The following CAPN12 variants were observed in gnomAD, a reference collection of about 807,000 sequenced individuals.
CAPN12 encodes the protein calpain-12.
Under a neutral mutation model 95.0 loss-of-function variants are expected in CAPN12, and 107 were observed. The observed-to-expected ratio is 1.13, with a 90% CI of 0.96 to 1.32. CAPN12 has a LOEUF of 1.32. Among genes scored for constraint, CAPN12 ranks in the 40% most tolerant of loss-of-function variants. The pLI is 0.00. For synonymous variants in CAPN12, 505 were observed against 415.5 expected (o/e 1.22, Z -2.62); for missense variants, 1,136 against 997.8 (o/e 1.14, Z -1.87).
chr19:38,742,512 A>G lies in CAPN12; in HGVS notation c.324T>C (p.Leu108=). Residue 108 remains leucine, a synonymous_variant, in exon 3 of 21, where the codon CTT becomes CTC. Transcript: ENST00000328867. ...CQGSLGNCWF[L]AAAASLTLYP... is the part of the protein sequence containing the mutation. ...ACAGAGTAAGGGAGGCGGCAGCTGC[A>G]AGGAACCAGCAGTTACCTGGGAGGA... is the stretch of plus-strand genomic sequence containing the variant. 6.2e-7 allele frequency: 1 copy of G among 1,612,284 alleles called. No homozygotes were observed. The highest frequency in any genetic ancestry group is 8.5e-7 in the Non-Finnish European group (1 of 1,179,122).
At chr19:38,731,289 C>A (rs1969585807) in intron 18 of CAPN12, 66 bp from the exon 19 acceptor site, 1 of 1,236,170 alleles carries the variant, frequency 8.1e-7, no homozygotes, top group East Asian at 2.3e-5. Context: ...GCATCCCCAC[C>A]CCACCTCCTC....
chr19:38,735,224 C>T (rs927547851), intron 14 of CAPN12, 146 bp downstream of exon 14: 2 of 782,258 alleles, frequency 2.6e-6, no homozygotes, highest in Admixed American at 5.9e-5. Flanking sequence ...GAGCTGTGAG[C>T]ATTTCAAGAA....
At chr19:38,742,242 T>C (rs1447258365) in intron 3 of CAPN12, 168 bp downstream of exon 3, 4 of 649,172 alleles carry the variant, frequency 6.2e-6, no homozygotes, top group South Asian at 3.9e-5. Flanking sequence ...AGAGAATTGC[T>C]TGAACCTGGG....
At chr19:38,739,923 A>T in intron 5 of CAPN12, 128 bp downstream of exon 5, 1 of 964,582 alleles carries the variant, frequency 1.0e-6, no homozygotes, top group Non-Finnish European at 1.4e-6. Context: ...TTGACTAGTT[A>T]GATTTATGAG....
rs1313254739 is a variant in CAPN12, at chr19:38,739,883, CCT to C, written c.729+166_729+167del. 7.7e-6 allele frequency: 5 copies of C among 646,786 alleles called. No homozygotes were observed. The East Asian group carries it at 1.2e-4, about 16-fold the overall frequency. The allele number at this position is 646,786 out of a possible 1,614,324, so 40.1% of individuals were successfully genotyped here. ...TCTGGATCCAGCTGTGCCTGAAGCC[CCT>C]GATTCATGAGAGCAAATGAATTTAT... On this transcript the variant is annotated intron_variant, in intron 5 of 20. Coordinates refer to ENST00000328867, the MANE Select transcript of CAPN12 (RefSeq NM_144691.4).
rs1970150527 is a variant in CAPN12, at chr19:38,736,369, T to G, written c.1375-51A>C. 6.1e-6 allele frequency: 9 copies of G among 1,478,368 alleles called. No homozygotes were observed. In the East Asian group the frequency reaches 2.1e-4, roughly 34 times the overall value. 91.6% of individuals were successfully genotyped at this position (1,478,368 alleles called of 1,614,324 possible). ...GACCAGGCTCACCCCCGGCCCTTCATCCCCGCACCCTCCAGCGCGCCCCGT... is the reference window on the plus strand; with the variant it reads ...GACCAGGCTCACCCCCGGCCCTTCAGCCCCGCACCCTCCAGCGCGCCCCGT... On this transcript the variant is annotated intron_variant, in intron 11 of 20. Transcript: ENST00000328867.
Position 38,731,003 on chromosome 19 carries a change from C to T in CAPN12, c.2095G>A (p.Asp699Asn). ...CIFCHCSQHL[D>N]GGEGVICLTH... The stretch of plus-strand genomic sequence containing the variant: ...AGGCAGATGACCCCCTCACCCCCAT[C>T]CAGGTGCTGGCTGCAGTGGCCTGTG... The change falls in exon 20 of 21, where the codon GAT becomes AAT. Residue 699 changes from aspartate (D) to asparagine (N), a missense_variant. By Grantham distance (23) the Asp-to-Asn change is conservative. Transcript: ENST00000328867. 6.4e-7 allele frequency: 1 copy of T among 1,552,340 alleles called. No homozygotes were observed. Among genetic ancestry groups the T allele is most frequent in the Non-Finnish European group, 8.7e-7 (1 of 1,148,006 alleles).
chr19:38,736,911 T>TACTAGCCCC (rs1232826906), intron 10 of CAPN12: 3 of 135,874 alleles, frequency 2.2e-5, no homozygotes, highest in Non-Finnish European at 3.6e-5. Context: ...CCCCCAGCCC[T>TACTAGCCCC]ACTAGCCCCC....
chr19:38,731,895 T>G (rs1969645373), intron 18 of CAPN12, among the ~76,000 whole-genome samples: 1 of 152,262 alleles, frequency 6.6e-6, no homozygotes, highest in Admixed American at 6.5e-5. Context: ...AGGTGCTGTT[T>G]TAACAGGAGG....
chr19:38,731,509 A>T (rs1470924545), intron 18 of CAPN12: 2 of 483,188 alleles, frequency 4.1e-6, no homozygotes. Context: ...TTACTCCTTA[A>T]ATCCTGTGGG....
chr19:38,730,851 C>T lies in CAPN12; in HGVS notation c.*1G>A. On this transcript the variant is annotated 3_prime_UTR_variant, in exon 21 of 21. Transcript: ENST00000328867. Reference sequence around the variant, plus strand: ...GCAGCAGGTGCGCCCATCCGGAGATCCTAGGAGAAGGTGGCCACCTCCATC... The same window carrying T: ...GCAGCAGGTGCGCCCATCCGGAGATTCTAGGAGAAGGTGGCCACCTCCATC... The T allele has an allele frequency of 6.4e-7, 1 of 1,551,186 alleles. No homozygotes were observed. The highest frequency in any genetic ancestry group is 8.7e-7 in the Non-Finnish European group (1 of 1,147,300).
chr19:38,736,189 C>CCAGGTAGTGGCCTGGACG lies in CAPN12; in HGVS notation c.1486_1503dup (p.Arg496_Leu501dup). The CCAGGTAGTGGCCTGGACG allele has an allele frequency of 1.3e-6, 2 of 1,513,498 alleles. No homozygotes were observed. The highest frequency in any genetic ancestry group is 2.5e-5 in the South Asian group (2 of 81,174). The allele number at this position is 1,513,498 out of a possible 1,614,324, so 93.8% of individuals were successfully genotyped here. A position where few individuals can be genotyped will look rare whatever the true frequency, so the allele number is the denominator to read the frequency against. On this transcript the variant is annotated inframe_insertion, in exon 12 of 21. Transcript: ENST00000328867. ...CCGGCGTGGGCGGTGCTCGGCACCA[C>CCAGGTAGTGGCCTGGACG]CAGGTAGTGGCCTGGACGCAGGCAG... is the stretch of plus-strand genomic sequence containing the variant.
Position 38,730,635 on chromosome 19 carries a change from C to T in CAPN12, c.*217G>A, listed in dbSNP as rs757427122. 9.6e-6 allele frequency: 6 copies of T among 622,110 alleles called. No individual in the cohort carries two copies. Among genetic ancestry groups the T allele is most frequent in the Non-Finnish European group, 1.7e-5 (6 of 349,472 alleles). The allele number at this position is 622,110 out of a possible 1,614,324, so 38.5% of individuals were successfully genotyped here. ...GTCTTAAGCTGTCAACGTGGACTAG[C>T]TCGTGTCATCTGCTCGAGAAGGGCT... On this transcript the variant is annotated 3_prime_UTR_variant, in exon 21 of 21. Coordinates refer to ENST00000328867, the MANE Select transcript of CAPN12 (RefSeq NM_144691.4).
chr19:38,736,230 T>G lies in CAPN12; in HGVS notation c.1463A>C (p.Asp488Ala). ...ACGCAGGCAGCAGCGGCGGGTCACG[T>G]CGCGGCGGGCGCTGAGGGGCGAGCG... ...ADRSPLSARR[D>A]VTRRCCLRPG... Residue 488 changes from aspartate to alanine, a missense_variant, in exon 12 of 21, where the codon GAC becomes GCC. Transcript: ENST00000328867. 1 of 1,494,100 alleles carries G rather than the reference T, an allele frequency of 6.7e-7. No individual in the cohort carries two copies. Among genetic ancestry groups the G allele is most frequent in the Non-Finnish European group, 8.9e-7 (1 of 1,128,094 alleles). 92.6% of individuals were successfully genotyped at this position (1,494,100 alleles called of 1,614,324 possible). A position where few individuals can be genotyped will look rare whatever the true frequency, so the allele number is the denominator to read the frequency against.
chr19:38,731,228 G>C lies in CAPN12; in HGVS notation c.1958-5C>G. 6.2e-7 allele frequency: 1 copy of C among 1,611,500 alleles called. No homozygotes were observed. Among genetic ancestry groups the C allele is most frequent in the East Asian group, 2.2e-5 (1 of 44,868 alleles). ...GCTGGTTGTTCAGGTGGAAGCCTAGGGGGAGGCTGCTTCTGAGCCCAGTGG... is the reference window on the plus strand; with the variant it reads ...GCTGGTTGTTCAGGTGGAAGCCTAGCGGGAGGCTGCTTCTGAGCCCAGTGG... On this transcript the variant is annotated splice_region_variant and splice_polypyrimidine_tract_variant and intron_variant, in intron 18 of 20. Transcript: ENST00000328867.
upstream of CAPN12, chr19:38,744,544 T>C: frequency 3.2e-6 from 1 of 315,364 alleles, no homozygotes; most frequent in South Asian, 3.4e-5. Context: ...TCGGTGTCTC[T>C]ATCTCTCAGA....
chr19:38,736,408 C>A, intron 11 of CAPN12, 90 bp from the exon 12 acceptor site: 1 of 1,513,158 alleles, frequency 6.6e-7, no homozygotes, highest in Non-Finnish European at 8.9e-7. Flanking sequence ...CCCTGCCTAA[C>A]CCCTGTCCAC....
intron 15 of CAPN12, 128 bp from the exon 16 acceptor site, chr19:38,734,517 G>A (rs1284971978): frequency 7.3e-6 from 6 of 821,462 alleles, no homozygotes; most frequent in African/African-American, 5.2e-5. Flanking sequence ...CGAGGCACAG[G>A]GAGCCAGTGA....
intron 18 of CAPN12, chr19:38,731,662 T>C: frequency 4.8e-6 from 1 of 207,584 alleles, no homozygotes; most frequent in South Asian, 9.3e-5. Flanking sequence ...GGAGTCTCAT[T>C]GGAGGCTTTT....
Sources: gnomAD v4.1 joint callset for allele counts (sites outside exome capture counted in the v4.1 genomes callset) on GRCh38, gnomAD v4.1.1 for gene constraint, MANE v1.5 for transcripts, NCBI Gene and HGNC (gene_info 2026-07-23, HGNC 2026-07-21) for gene names.